KDM1A: variants seen among roughly 807,000 people sequenced by gnomAD.
The protein encoded by KDM1A is lysine demethylase 1A.
In KDM1A, 49 loss-of-function variants were observed where a neutral mutation model predicts 109.4. The ratio of observed to expected loss-of-function variants is 0.45; its 90% CI spans 0.36 to 0.57. The LOEUF is 0.57. Ranked by LOEUF, KDM1A falls within the 20% of genes least tolerant of loss-of-function variation. KDM1A has a pLI of 0.00. For synonymous variants in KDM1A, 380 were observed against 415.4 expected (o/e 0.91, Z 1.04); for missense variants, 668 against 1,116.6 (o/e 0.60, Z 5.73).
chr1:23,074,004 T>C (rs984389288), intron 15 of KDM1A, among the ~76,000 whole-genome samples: 2 of 152,278 alleles, frequency 1.3e-5, no homozygotes, highest in African/African-American at 4.8e-5. Context: ...ATGGAATTGC[T>C]GGGTACTATG....
At chr1:23,033,715 G>C (rs12120273) in intron 2 of KDM1A, among the ~76,000 whole-genome samples, 1 of 152,170 alleles carries the variant, frequency 6.6e-6, no homozygotes, top group African/African-American at 2.4e-5. Context: ...ACTGAATAAG[G>C]TTCCTCTGGG....
At position 23,055,918 on chromosome 1, in the gene KDM1A, T is replaced by A; in HGVS notation, c.884-14T>A. On this transcript the variant is annotated splice_polypyrimidine_tract_variant and intron_variant, in intron 6 of 20. Transcript: ENST00000400181. Reference sequence around the variant, plus strand: ...ACCTAAAACAAAATCTTTTTTTTCATTTTTTGCTTTTAGCTAAAAAGACAG... The same window carrying A: ...ACCTAAAACAAAATCTTTTTTTTCAATTTTTGCTTTTAGCTAAAAAGACAG... 1.3e-6 allele frequency: 2 copies of A among 1,562,848 alleles called. No homozygotes were observed. The highest frequency in any genetic ancestry group is 1.7e-6 in the Non-Finnish European group (2 of 1,145,786).
intron 1 of KDM1A, 54 bp downstream of exon 1, chr1:23,020,001 G>T: frequency 7.1e-7 from 1 of 1,411,006 alleles, no homozygotes; most frequent in South Asian, 1.5e-5. Flanking sequence ...GCTTCCCCGA[G>T]GCTTCTCCGC....
chr1:23,064,319 T>C (rs138393643), intron 9 of KDM1A, among the ~76,000 whole-genome samples: 22 of 152,358 alleles, frequency 1.4e-4, no homozygotes, highest in African/African-American at 5.1e-4. Flanking sequence ...TTTCTTCTTC[T>C]AGGTTTTACC....
chr1:23,044,014 GT>G (rs1381582807), intron 2 of KDM1A, among the ~76,000 whole-genome samples: 1 of 152,138 alleles, frequency 6.6e-6, no homozygotes, highest in African/African-American at 2.4e-5. Flanking sequence ...AAATTAGAAA[GT>G]TAAACGGATA....
chr1:23,077,167 T>G, intron 15 of KDM1A, 61 bp from the exon 16 acceptor site: 1 of 1,525,786 alleles, frequency 6.6e-7, no homozygotes, highest in Non-Finnish European at 9.0e-7. Context: ...TGTACAGAAC[T>G]AGGTGCAAAT....
intron 8 of KDM1A, chr1:23,057,800 C>CTTTTTTTT (rs10685820): frequency 9.6e-5 from 12 of 125,636 alleles, no homozygotes; most frequent in Non-Finnish European, 1.3e-4. Flanking sequence ...GTGTTTGAAG[C>CTTTTTTTT]TTTTTTTTTT....
chr1:23,024,098 C>G (rs1199298728), intron 1 of KDM1A, among the ~76,000 whole-genome samples: 1 of 152,204 alleles, frequency 6.6e-6, no homozygotes, highest in Non-Finnish European at 1.5e-5. Flanking sequence ...TTCCTCCTGC[C>G]TCAGCCTCCC....
In KDM1A at chr1:23,069,139, ACTT is replaced by A; in HGVS notation, c.1405_1407del (p.Leu469del). 1 of 1,592,226 alleles carries A rather than the reference ACTT, an allele frequency of 6.3e-7. No homozygotes were observed. Among genetic ancestry groups the A allele is most frequent in the Non-Finnish European group, 8.6e-7 (1 of 1,162,110 alleles). On this transcript the variant is annotated inframe_deletion, in exon 12 of 21. Transcript: ENST00000400181. ...TGAAAACTCAGGAAGAATTGAAAGA[ACTT>A]CTTAATAAGGTGAAATTCTGTATTT...
chr1:23,035,921 G>A (rs772043095), intron 2 of KDM1A, among the ~76,000 whole-genome samples: 7 of 151,992 alleles, frequency 4.6e-5, no homozygotes, highest in Non-Finnish European at 8.8e-5. Context: ...AAAATAAGTG[G>A]TACTAATATT....
At chr1:23,065,086 T>C (rs1643123813) in intron 9 of KDM1A, among the ~76,000 whole-genome samples, 1 of 152,240 alleles carries the variant, frequency 6.6e-6, no homozygotes, top group South Asian at 2.1e-4. Context: ...TCGTTGAGTT[T>C]CTTTCTCAGG....
intron 2 of KDM1A, 92 bp downstream of exon 2, chr1:23,030,726 A>G (rs925382988): frequency 5.3e-6 from 7 of 1,332,174 alleles, no homozygotes; most frequent in Non-Finnish European, 6.1e-6. Context: ...TTATGTCTTT[A>G]TCTTTGGTTT....
chr1:23,083,326 A>C lies in KDM1A; in HGVS notation c.2593A>C (p.Thr865Pro). The C allele has an allele frequency of 6.2e-7, 1 of 1,613,814 alleles. No homozygotes were observed. The highest frequency in any genetic ancestry group is 8.5e-7 in the Non-Finnish European group (1 of 1,179,936). Residue 865 changes from threonine (T) to proline (P), a missense_variant, in exon 21 of 21, where the codon ACA becomes CCA. This residue lies in a region of KDM1A where 69 missense variants were observed against 99.6 expected (regional missense o/e 0.69). Transcript: ENST00000400181. ...GAMYTLPRQA[T>P]PGVPAQQSPS... Reference sequence around the variant, plus strand: ...CATGTATACGCTGCCTCGCCAGGCCACACCAGGTGTTCCTGCACAGCAGTC... The same window carrying C: ...CATGTATACGCTGCCTCGCCAGGCCCCACCAGGTGTTCCTGCACAGCAGTC...
chr1:23,030,777 T>A, intron 2 of KDM1A, 143 bp downstream of exon 2: 2 of 818,252 alleles, frequency 2.4e-6, no homozygotes, highest in Non-Finnish European at 3.8e-6. Context: ...ATGTGTGTCT[T>A]TGTGTGTGTG....
chr1:23,036,448 C>T (rs867627762), intron 2 of KDM1A, among the ~76,000 whole-genome samples: 5,711 of 148,016 alleles, frequency 0.039, 403 homozygotes, highest in African/African-American at 0.13. Flanking sequence ...TGCCACGCCC[C>T]CCCCCTCCCC....
intron 3 of KDM1A, among the ~76,000 whole-genome samples, chr1:23,046,449 G>A (rs1328142121): frequency 6.6e-6 from 1 of 152,000 alleles, no homozygotes; most frequent in East Asian, 1.9e-4. Context: ...TAGAAATCTA[G>A]TTATAGTTAT....
Position 23,071,314 on chromosome 1 carries a change from G to A in KDM1A, c.1503G>A (p.Glu501=), listed in dbSNP as rs756782428. 4 of 1,613,488 alleles carry A rather than the reference G, an allele frequency of 2.5e-6. No individual in the cohort carries two copies. The African/African-American group carries it at 4.0e-5, about 16-fold the overall frequency. ...EVKPPRDITA[E]FLVKSKHRDL... The stretch of plus-strand genomic sequence containing the variant: ...AGCCACCCAGAGATATTACTGCCGA[G>A]TTCTTAGTGAAAAGCAAACACAGGG... The change falls in exon 13 of 21, where the codon GAG becomes GAA. Residue 501 remains glutamate, a synonymous_variant. Coordinates refer to ENST00000400181, the MANE Select transcript of KDM1A (RefSeq NM_001009999.3).
intron 2 of KDM1A, among the ~76,000 whole-genome samples, chr1:23,037,759 G>A (rs1415830358): frequency 1.3e-5 from 2 of 152,136 alleles, no homozygotes; most frequent in East Asian, 1.9e-4. Flanking sequence ...GCTTTTGGTC[G>A]ATAAGAACCC....
chr1:23,059,190 T>G, intron 9 of KDM1A, 23 bp downstream of exon 9: 1 of 1,576,286 alleles, frequency 6.3e-7, no homozygotes, highest in Non-Finnish European at 8.7e-7. Context: ...CAAACAGAAC[T>G]TTCAACATTT....
Sources: allele counts gnomAD v4.1 joint callset (sites outside exome capture counted in the v4.1 genomes callset), GRCh38; gene constraint gnomAD v4.1.1; regional missense constraint gnomAD v4.1.1; transcripts MANE v1.5; gene names NCBI Gene and HGNC (gene_info 2026-07-23, HGNC 2026-07-21).